The following ATRN variants were observed in gnomAD, a reference collection of about 807,000 sequenced individuals.
The protein encoded by ATRN is attractin-2.
Under a neutral mutation model 178.7 loss-of-function variants are expected in ATRN, and 54 were observed. The ratio of observed to expected loss-of-function variants is 0.30; its 90% CI spans 0.24 to 0.38. The LOEUF (loss-of-function observed/expected upper bound fraction) is 0.38, where lower values mean the gene tolerates loss of function less well. Among genes scored for constraint, ATRN ranks in the 10% least tolerant of loss-of-function variants. The pLI, the probability that ATRN is intolerant of heterozygous loss-of-function variation, is 1.00. For missense variants in ATRN, 1,443 were observed against 1,815.1 expected, an observed-to-expected ratio of 0.79 and a Z score of 3.73; for synonymous variants, 636 against 663.0, an observed-to-expected ratio of 0.96 and a Z score of 0.63.
At chr20:3,551,458 C>T (rs543739124) in intron 6 of ATRN, among the ~76,000 whole-genome samples, 9 of 152,284 alleles carry the variant, frequency 5.9e-5, no homozygotes. Flanking sequence ...TTCCTACTAC[C>T]TTGCTTGTCT....
At chr20:3,473,031 A>T (rs548374584) in intron 1 of ATRN, among the ~76,000 whole-genome samples, 2 of 152,326 alleles carry the variant, frequency 1.3e-5, no homozygotes, top group East Asian at 1.9e-4. Context: ...TTACTTCAGG[A>T]CCACTGATGC....
At chr20:3,595,098 A>C (rs770058922) in intron 20 of ATRN, among the ~76,000 whole-genome samples, 1 of 152,232 alleles carries the variant, frequency 6.6e-6, no homozygotes, top group Non-Finnish European at 1.5e-5. Flanking sequence ...GTGCAGCAGC[A>C]TCAGGCATGT....
At chr20:3,610,612 G>A (rs565414432) in intron 24 of ATRN, among the ~76,000 whole-genome samples, 16 of 130,480 alleles carry the variant, frequency 1.2e-4, no homozygotes, top group South Asian at 9.5e-4. Context: ...TCACTTTGTC[G>A]CCCAGGCCAA....
chr20:3,487,480 G>A (rs1362852990), intron 1 of ATRN, among the ~76,000 whole-genome samples: 1 of 152,038 alleles, frequency 6.6e-6, no homozygotes, highest in African/African-American at 2.4e-5. Flanking sequence ...ATCCACCCGC[G>A]TTGGCCTCCC....
intron 6 of ATRN, among the ~76,000 whole-genome samples, chr20:3,551,240 G>C (rs962986262): frequency 2.6e-5 from 4 of 152,140 alleles, no homozygotes; most frequent in African/African-American, 9.7e-5. Context: ...AACTCTCCCA[G>C]TTTTAGCACT....
At chr20:3,512,993 A>C (rs1600059238) in intron 1 of ATRN, among the ~76,000 whole-genome samples, 1 of 152,068 alleles carries the variant, frequency 6.6e-6, no homozygotes, top group African/African-American at 2.4e-5. Context: ...AGTTCTTTGT[A>C]GATTCTGGAT....
chr20:3,495,189 T>G (rs1287922296), intron 1 of ATRN, among the ~76,000 whole-genome samples: 1 of 152,232 alleles, frequency 6.6e-6, no homozygotes, highest in African/African-American at 2.4e-5. Flanking sequence ...GATCAAAATT[T>G]TCTGATAGAG....
At chr20:3,611,234 A>G (rs2146300651) in intron 24 of ATRN, among the ~76,000 whole-genome samples, 1 of 152,350 alleles carries the variant, frequency 6.6e-6, no homozygotes, top group Non-Finnish European at 1.5e-5. Context: ...AAACCCTGTT[A>G]TGAAGATGAA....
intron 1 of ATRN, among the ~76,000 whole-genome samples, chr20:3,503,232 T>C (rs1224547515): frequency 6.6e-6 from 1 of 152,160 alleles, no homozygotes; most frequent in Non-Finnish European, 1.5e-5. Flanking sequence ...GTGCTAAAAC[T>C]AAACAGGGTG....
intron 3 of ATRN, among the ~76,000 whole-genome samples, chr20:3,540,731 T>C (rs907431516): frequency 6.6e-6 from 1 of 152,224 alleles, no homozygotes; most frequent in South Asian, 2.1e-4. Context: ...GCCCACTGCA[T>C]AGGCCTTCAG....
intron 20 of ATRN, among the ~76,000 whole-genome samples, chr20:3,595,263 C>T (rs868531121): frequency 4.6e-5 from 7 of 152,158 alleles, no homozygotes; most frequent in South Asian, 2.1e-4. Flanking sequence ...CAATGTATAC[C>T]GGGCTGTCTC....
chr20:3,481,622 A>G (rs892147488), intron 1 of ATRN, among the ~76,000 whole-genome samples: 7 of 152,072 alleles, frequency 4.6e-5, no homozygotes, highest in African/African-American at 1.7e-4. Flanking sequence ...CTGGGATTAC[A>G]GATGAGAGCC....
chr20:3,520,914 ATG>A (rs2085286400), intron 1 of ATRN, among the ~76,000 whole-genome samples: 1 of 152,260 alleles, frequency 6.6e-6, no homozygotes, highest in Non-Finnish European at 1.5e-5. Flanking sequence ...CATCTACTAA[ATG>A]TGAATAAATT....
chr20:3,580,712 A>G (rs1388135249), intron 15 of ATRN, among the ~76,000 whole-genome samples: 3 of 152,118 alleles, frequency 2.0e-5, no homozygotes, highest in Admixed American at 1.3e-4. Flanking sequence ...AGCTGCAGGT[A>G]AGTTTGCATG....
chr20:3,556,530 G>A (rs1477334385), intron 6 of ATRN, among the ~76,000 whole-genome samples: 2 of 152,118 alleles, frequency 1.3e-5, no homozygotes, highest in Admixed American at 1.3e-4. Flanking sequence ...GGTACATGAT[G>A]GTCATTGGCT....
chr20:3,602,295 A>C (rs951085276), intron 23 of ATRN, among the ~76,000 whole-genome samples: 5 of 151,876 alleles, frequency 3.3e-5, no homozygotes, highest in Non-Finnish European at 2.9e-5. Context: ...ACGCCACTGC[A>C]CTCCAGCTTG....
intron 11 of ATRN, among the ~76,000 whole-genome samples, chr20:3,571,902 G>A (rs1015347455): frequency 1.3e-5 from 2 of 151,428 alleles, no homozygotes; most frequent in African/African-American, 4.9e-5. Flanking sequence ...TCACTCTTAG[G>A]TTATAGAGAA....
In ATRN at chr20:3,630,916, CTTTTTT is replaced by C. The variant is rs368394749; in HGVS notation, c.3864-3352_3864-3347del. 2.2e-3 allele frequency among the ~76,000 whole-genome samples: 94 copies of C among 43,442 alleles called. 9 individuals are homozygous for C. Among genetic ancestry groups the C allele is most frequent in the African/African-American group, 5.9e-3 (60 of 10,156 alleles). The allele number at this position is 43,442 out of a possible 152,430, so 28.5% of individuals were successfully genotyped here. On this transcript the variant is annotated intron_variant, in intron 25 of 28. Transcript: ENST00000262919. ...ACCATGTCTAAAAGAATTTATTTAG[CTTTTTT>C]TTTTTTTTTTTTTTTTTTTTTTTTT...
chr20:3,617,719 G>A (rs2086862575), intron 24 of ATRN, among the ~76,000 whole-genome samples: 1 of 152,122 alleles, frequency 6.6e-6, no homozygotes, highest in South Asian at 2.1e-4. Flanking sequence ...AGAAATAAAG[G>A]TATGAGTATA....
Sources: allele counts gnomAD v4.1 joint callset (sites outside exome capture counted in the v4.1 genomes callset), GRCh38; gene constraint gnomAD v4.1.1; transcripts MANE v1.5; gene names NCBI Gene and HGNC (gene_info 2026-07-23, HGNC 2026-07-21).